The following USP15 variants were observed in gnomAD, a reference collection of about 807,000 sequenced individuals.
The protein encoded by USP15 is ubiquitin carboxyl-terminal hydrolase 15.
USP15 carries 18 observed loss-of-function variants against 127.1 expected under a neutral mutation model. The observed-to-expected ratio is 0.14, with a 90% CI of 0.10 to 0.21. The LOEUF (loss-of-function observed/expected upper bound fraction) is 0.21. USP15 is among the 10% of genes least tolerant of loss of function. The probability of loss-of-function intolerance (pLI) is 1.00; values close to 1 mark genes in which losing one functional copy is unlikely to be tolerated. For synonymous variants in USP15, 364 were observed against 393.7 expected (o/e 0.92, Z 0.89); for missense variants, 805 against 1,159.9 (o/e 0.69, Z 4.44).
At position 62,412,329 on chromosome 12, in the gene USP15, T is replaced by G. The variant is rs2068058035; in HGVS notation, c.*7954T>G. 1 of 152,194 alleles carries G rather than the reference T, an allele frequency of 6.6e-6. No homozygotes were observed. The highest frequency in any genetic ancestry group is 2.4e-5 in the African/African-American group (1 of 41,446). 9.4% of individuals were successfully genotyped at this position (152,194 alleles called of 1,614,324 possible). A position where few individuals can be genotyped will look rare whatever the true frequency, so the allele number is the denominator to read the frequency against. On this transcript the variant is annotated 3_prime_UTR_variant, in exon 22 of 22. Transcript: ENST00000280377. ...AGATACTCACCAGGATGGTGGTTGC[T>G]GAAGGTTAGGGTGGCCGTGGCAATT...
At position 62,384,277 on chromosome 12, in the gene USP15, T is replaced by C. The variant is rs1482899251; in HGVS notation, c.1448T>C (p.Met483Thr). 6.2e-7 allele frequency: 1 copy of C among 1,610,632 alleles called. No individual in the cohort carries two copies. The highest frequency in any genetic ancestry group is 8.5e-7 in the Non-Finnish European group (1 of 1,178,520). ...ACCTTGGAAGTTTACTTAGTTAGAA[T>C]GGATCCACTTACCAAACCTATGCAG... ...ERTLEVYLVR[M>T]DPLTKPMQYK... Residue 483 changes from methionine (M) to threonine (T), a missense_variant, in exon 11 of 22, where the codon ATG (methionine) becomes ACG (threonine). Physicochemically the swap from Met to Thr is moderately conservative, Grantham distance 81 (BLOSUM62 -1). This residue lies in a region of USP15 where 84 missense variants were observed against 210.3 expected (regional missense o/e 0.40). Coordinates refer to ENST00000280377, the MANE Select transcript of USP15 (RefSeq NM_001252078.2).
intron 8 of USP15, among the ~76,000 whole-genome samples, chr12:62,368,278 A>G (rs1484977305): frequency 6.6e-6 from 1 of 152,166 alleles, no homozygotes; most frequent in Non-Finnish European, 1.5e-5. Flanking sequence ...AGAAGAATGT[A>G]TGTTTTGTTG....
chr12:62,374,922 G>A (rs2066777830), intron 8 of USP15, among the ~76,000 whole-genome samples: 1 of 151,986 alleles, frequency 6.6e-6, no homozygotes, highest in Non-Finnish European at 1.5e-5. Context: ...TTCAGTTTTA[G>A]GATATTAGGT....
At chr12:62,299,662 T>C (rs1012521361) in intron 2 of USP15, among the ~76,000 whole-genome samples, 1 of 152,232 alleles carries the variant, frequency 6.6e-6, no homozygotes, top group African/African-American at 2.4e-5. Context: ...TGTGTTTTCC[T>C]TTCTAATGGG....
chr12:62,266,826 A>G (rs1319794284), intron 1 of USP15, among the ~76,000 whole-genome samples: 2 of 152,162 alleles, frequency 1.3e-5, no homozygotes, highest in African/African-American at 2.4e-5. Context: ...TTAAATGCTT[A>G]GTCTGTCGCA....
intron 7 of USP15, among the ~76,000 whole-genome samples, chr12:62,353,359 G>T (rs1198482198): frequency 1.3e-5 from 2 of 152,010 alleles, no homozygotes; most frequent in African/African-American, 4.8e-5. Flanking sequence ...TCATGTTGCT[G>T]CAAAGAAGAG....
chr12:62,321,703 T>C, intron 5 of USP15, 94 bp downstream of exon 5: 1 of 1,040,196 alleles, frequency 9.6e-7, no homozygotes, highest in Non-Finnish European at 1.3e-6. Context: ...TGGGCTGTAC[T>C]GTTTCTGGCT....
intron 1 of USP15, among the ~76,000 whole-genome samples, chr12:62,276,877 A>G (rs1289560674): frequency 6.6e-6 from 1 of 152,178 alleles, no homozygotes; most frequent in Non-Finnish European, 1.5e-5. Flanking sequence ...TAATGAATAA[A>G]AACTGTGCCT....
intron 6 of USP15, among the ~76,000 whole-genome samples, chr12:62,346,549 C>T (rs1217316347): frequency 6.6e-6 from 1 of 152,212 alleles, no homozygotes; most frequent in African/African-American, 2.4e-5. Flanking sequence ...GCTTCCTAAA[C>T]ATCCAAGATA....
chr12:62,368,518 G>A (rs984958992), intron 8 of USP15, among the ~76,000 whole-genome samples: 1 of 152,160 alleles, frequency 6.6e-6, no homozygotes, highest in Non-Finnish European at 1.5e-5. Flanking sequence ...ATATATTTAG[G>A]ATAGTTAGTT....
intron 19 of USP15, chr12:62,393,841 C>G (rs963743449): frequency 6.6e-6 from 1 of 152,336 alleles, no homozygotes; most frequent in Non-Finnish European, 1.5e-5. Flanking sequence ...CTTGGCCTCC[C>G]AAAGTGCTGG....
intron 1 of USP15, among the ~76,000 whole-genome samples, chr12:62,283,133 T>C (rs1296279360): frequency 6.6e-6 from 1 of 152,208 alleles, no homozygotes; most frequent in African/African-American, 2.4e-5. Context: ...CCAGTAGTTT[T>C]TCATACAAGT....
chr12:62,404,012 C>T (rs893488616), intron 21 of USP15, among the ~76,000 whole-genome samples, 181 bp from the exon 22 acceptor site: 6 of 151,962 alleles, frequency 3.9e-5, no homozygotes, highest in African/African-American at 1.4e-4. Context: ...ATTCTAATAA[C>T]GATTCTTTAT....
chr12:62,359,591 C>T (rs538992120), intron 8 of USP15, among the ~76,000 whole-genome samples: 11 of 152,166 alleles, frequency 7.2e-5, no homozygotes, highest in Admixed American at 1.3e-4. Context: ...TCTCCATAAC[C>T]GTTCTATCTG....
At chr12:62,352,183 A>G (rs1261101156) in intron 7 of USP15, among the ~76,000 whole-genome samples, 1 of 151,808 alleles carries the variant, frequency 6.6e-6, no homozygotes, top group East Asian at 1.9e-4. Context: ...AAGATATAAA[A>G]TTTTTATTTC....
intron 11 of USP15, among the ~76,000 whole-genome samples, chr12:62,388,465 TGA>T (rs2067225900): frequency 6.6e-6 from 1 of 152,144 alleles, no homozygotes; most frequent in Non-Finnish European, 1.5e-5. Context: ...TTGAGATAAA[TGA>T]GAGAATAACC....
At chr12:62,306,144 T>C (rs1375086582) in intron 3 of USP15, 3 of 152,206 alleles carry the variant, frequency 2.0e-5, no homozygotes, top group African/African-American at 7.2e-5. Flanking sequence ...AGCAACCTCA[T>C]GAGAAACTCT....
intron 11 of USP15, among the ~76,000 whole-genome samples, chr12:62,385,463 T>A (rs1233776810): frequency 2.0e-5 from 3 of 151,980 alleles, no homozygotes; most frequent in Non-Finnish European, 4.4e-5. Flanking sequence ...TTATTCAAAG[T>A]AATTAAAGTC....
intron 1 of USP15, among the ~76,000 whole-genome samples, chr12:62,274,739 C>T (rs1002789231): frequency 2.0e-5 from 3 of 152,130 alleles, no homozygotes; most frequent in Non-Finnish European, 4.4e-5. Context: ...GTTGCTCTAC[C>T]ATCAACTAAT....
Sources: gnomAD v4.1 joint callset for allele counts (sites outside exome capture counted in the v4.1 genomes callset) on GRCh38, gnomAD v4.1.1 for gene constraint, gnomAD v4.1.1 regional missense constraint, MANE v1.5 for transcripts, NCBI Gene and HGNC (gene_info 2026-07-23, HGNC 2026-07-21) for gene names.